The following MGAT4C variants were observed in gnomAD, a reference collection of about 807,000 sequenced individuals.
MGAT4C encodes the protein MGAT4 family member C.
MGAT4C carries 19 observed loss-of-function variants against 40.1 expected under a neutral mutation model. That is an observed-to-expected ratio of 0.47 (90% CI 0.33 to 0.70). The LOEUF (loss-of-function observed/expected upper bound fraction) is 0.70, where lower values mean the gene tolerates loss of function less well. Among genes scored for constraint, MGAT4C ranks in the 30% least tolerant of loss-of-function variants. The pLI is 0.02. For synonymous variants in MGAT4C, 181 were observed against 187.1 expected (o/e 0.97, Z 0.27); for missense variants, 491 against 563.2 (o/e 0.87, Z 1.30).
intron 4 of MGAT4C, among the ~76,000 whole-genome samples, chr12:86,267,870 A>C (rs2136103966): frequency 6.6e-6 from 1 of 152,314 alleles, no homozygotes; most frequent in East Asian, 1.9e-4. Context: ...TAGACGTATC[A>C]ATTGCAAACA....
At chr12:86,325,029 A>T (rs940244572) in intron 4 of MGAT4C, among the ~76,000 whole-genome samples, 3 of 152,144 alleles carry the variant, frequency 2.0e-5, no homozygotes, top group Non-Finnish European at 4.4e-5. Context: ...CCTATTGTAG[A>T]TGTTCAGAAG....
intron 1 of MGAT4C, among the ~76,000 whole-genome samples, chr12:86,171,180 A>G (rs955231663): frequency 2.6e-5 from 4 of 151,974 alleles, no homozygotes; most frequent in African/African-American, 9.7e-5. Context: ...GACTAGCCTG[A>G]CCAACATAGA....
intron 2 of MGAT4C, among the ~76,000 whole-genome samples, chr12:86,585,727 T>TTTA (rs1960994509): frequency 6.7e-6 from 1 of 149,598 alleles, no homozygotes; most frequent in Non-Finnish European, 1.5e-5. Context: ...CATGTTTTAT[T>TTTA]TTTTTTAATT....
chr12:86,213,815 T>C (rs1950571871), intron 1 of MGAT4C, among the ~76,000 whole-genome samples: 1 of 152,236 alleles, frequency 6.6e-6, no homozygotes, highest in African/African-American at 2.4e-5. Context: ...TGTATGGTTA[T>C]GTGGACACAG....
intron 1 of MGAT4C, among the ~76,000 whole-genome samples, chr12:86,732,802 A>G (rs1294335400): frequency 6.8e-6 from 1 of 147,012 alleles, no homozygotes; most frequent in East Asian, 2.0e-4. Flanking sequence ...CATATTCAGC[A>G]TTTATGTTTT....
At chr12:86,008,564 C>G (rs1192740621) in intron 2 of MGAT4C, among the ~76,000 whole-genome samples, 1 of 152,008 alleles carries the variant, frequency 6.6e-6, no homozygotes, top group Admixed American at 6.6e-5. Context: ...TTTTTCCAAT[C>G]TCTAAGACTT....
intron 1 of MGAT4C, among the ~76,000 whole-genome samples, chr12:86,201,622 C>A (rs1338957853): frequency 6.6e-6 from 1 of 151,204 alleles, no homozygotes; most frequent in Non-Finnish European, 1.5e-5. Flanking sequence ...TTTATGGTTG[C>A]TTTTAGTGTT....
At chr12:86,317,031 A>G (rs547155515) in intron 4 of MGAT4C, among the ~76,000 whole-genome samples, 1 of 152,000 alleles carries the variant, frequency 6.6e-6, no homozygotes, top group Non-Finnish European at 1.5e-5. Context: ...GGGACAAAAG[A>G]AGGAAGGAAG....
chr12:86,006,650 G>A (rs954308737), intron 2 of MGAT4C, among the ~76,000 whole-genome samples: 4 of 152,032 alleles, frequency 2.6e-5, no homozygotes, highest in Non-Finnish European at 2.9e-5. Flanking sequence ...CTGTAGAGTC[G>A]GCTTAGCCAA....
At chr12:86,415,805 T>TC (rs1956699579) in intron 3 of MGAT4C, among the ~76,000 whole-genome samples, 1 of 152,024 alleles carries the variant, frequency 6.6e-6, no homozygotes, top group African/African-American at 2.4e-5. Flanking sequence ...AATGGGTATG[T>TC]CCATACAACA....
At chr12:86,278,394 G>T (rs1290731424) in intron 4 of MGAT4C, among the ~76,000 whole-genome samples, 2 of 151,982 alleles carry the variant, frequency 1.3e-5, no homozygotes, top group Non-Finnish European at 2.9e-5. Context: ...GGGCAGGCTG[G>T]TCTTGAACTC....
Position 85,977,663 on chromosome 12 carries a change from A to G in MGAT4C, c.*1626T>C, listed in dbSNP as rs1346982580. 1 of 151,434 alleles carries G rather than the reference A, an allele frequency of 6.6e-6. No homozygotes were observed. The highest frequency in any genetic ancestry group is 6.6e-5 in the Admixed American group (1 of 15,156). 9.4% of individuals were successfully genotyped at this position (151,434 alleles called of 1,614,324 possible). A position where few individuals can be genotyped will look rare whatever the true frequency, so the allele number is the denominator to read the frequency against. On this transcript the variant is annotated 3_prime_UTR_variant, in exon 5 of 5. Coordinates refer to ENST00000611864, the MANE Select transcript of MGAT4C (RefSeq NM_001351288.2). ...TTTGCAGAGAACGAATAAAATAAAA[A>G]TATCCTAGTGTTGTTTGCACCACAG...
intron 2 of MGAT4C, among the ~76,000 whole-genome samples, chr12:86,626,622 G>A (rs1156601123): frequency 6.6e-6 from 1 of 152,148 alleles, no homozygotes; most frequent in Admixed American, 6.6e-5. Context: ...GCAAATTTTT[G>A]AAACTTTCCA....
At chr12:86,697,280 C>T (rs1458241139) in intron 2 of MGAT4C, among the ~76,000 whole-genome samples, 1 of 152,046 alleles carries the variant, frequency 6.6e-6, no homozygotes, top group African/African-American at 2.4e-5. Context: ...CACACAGTTG[C>T]TTTGTGATCT....
At chr12:86,168,030 C>CTAA (rs1295534784) in intron 1 of MGAT4C, among the ~76,000 whole-genome samples, 1 of 152,152 alleles carries the variant, frequency 6.6e-6, no homozygotes, top group Non-Finnish European at 1.5e-5. Flanking sequence ...GGTAGACCAA[C>CTAA]TAATGCCTTT....
intron 3 of MGAT4C, among the ~76,000 whole-genome samples, chr12:86,381,365 T>A (rs575200888): frequency 3.1e-4 from 47 of 152,330 alleles, no homozygotes; most frequent in African/African-American, 1.1e-3. Flanking sequence ...TCTGAGAAGC[T>A]GATGGTGTAA....
intron 2 of MGAT4C, among the ~76,000 whole-genome samples, chr12:86,555,794 C>T (rs1959581950): frequency 6.6e-6 from 1 of 152,156 alleles, no homozygotes; most frequent in Non-Finnish European, 1.5e-5. Flanking sequence ...ATAGTCTGGG[C>T]TTCCAGAGCT....
intron 1 of MGAT4C, among the ~76,000 whole-genome samples, chr12:86,238,055 T>G (rs1951627586): frequency 6.6e-6 from 1 of 151,856 alleles, no homozygotes; most frequent in Admixed American, 6.6e-5. Flanking sequence ...GTATAATAAG[T>G]GAGTTTGTTT....
intron 2 of MGAT4C, among the ~76,000 whole-genome samples, chr12:86,714,277 AC>A (rs1354103259): frequency 6.6e-6 from 1 of 152,074 alleles, no homozygotes; most frequent in East Asian, 1.9e-4. Flanking sequence ...CACTTTGAAG[AC>A]AAGTATACTA....
Sources: allele counts gnomAD v4.1 joint callset (sites outside exome capture counted in the v4.1 genomes callset), GRCh38; gene constraint gnomAD v4.1.1; transcripts MANE v1.5; gene names NCBI Gene and HGNC (gene_info 2026-07-23, HGNC 2026-07-21).